FMN1: variants seen among roughly 807,000 people sequenced by gnomAD.
FMN1 encodes the protein formin 1, also known as formin-1.
Under a neutral mutation model 132.4 loss-of-function variants are expected in FMN1, and 110 were observed. The observed-to-expected ratio is 0.83, with a 90% CI of 0.71 to 0.97. FMN1 has a LOEUF of 0.97. FMN1 is among the 50% of genes least tolerant of loss of function. The pLI is 0.00. For missense variants in FMN1, 1,792 were observed against 1,705.3 expected, an observed-to-expected ratio of 1.05 and a Z score of -0.90; for synonymous variants, 722 against 651.7, an observed-to-expected ratio of 1.11 and a Z score of -1.64.
intron 19 of FMN1, among the ~76,000 whole-genome samples, chr15:32,780,514 T>C (rs559692764): frequency 6.6e-6 from 1 of 152,304 alleles, no homozygotes; most frequent in South Asian, 2.1e-4. Flanking sequence ...AAAATAACCA[T>C]AAAAGTGGGC....
chr15:32,986,453 C>T (rs145124428), intron 7 of FMN1, among the ~76,000 whole-genome samples: 1 of 152,172 alleles, frequency 6.6e-6, no homozygotes, highest in East Asian at 1.9e-4. Context: ...TATTTGAATT[C>T]ACAAAGATCT....
At chr15:32,953,038 A>G (rs995667143) in intron 9 of FMN1, among the ~76,000 whole-genome samples, 2 of 152,160 alleles carry the variant, frequency 1.3e-5, no homozygotes, top group Non-Finnish European at 2.9e-5. Flanking sequence ...TCCCACTCAC[A>G]TGTAAGGGGC....
intron 16 of FMN1, among the ~76,000 whole-genome samples, chr15:32,868,690 A>C (rs969286914): frequency 3.9e-5 from 6 of 152,134 alleles, no homozygotes; most frequent in Admixed American, 2.6e-4. Flanking sequence ...GTACACTGAC[A>C]TTCACTCATT....
rs2038499049 is a variant in FMN1, at chr15:33,082,093, A to ATGTGTGTGTGAG, written c.2043+6705_2043+6706insCTCACACACACA. On this transcript the variant is annotated intron_variant, in intron 5 of 20. Coordinates refer to ENST00000616417, the MANE Select transcript of FMN1 (RefSeq NM_001277313.2). ...GCTTTGTCACCCAGGCTGGAAAACA[A>ATGTGTGTGTGAG]TGTGTGTGTGTGTGTGTGTGTGTGT... 8.3e-5 allele frequency among the ~76,000 whole-genome samples: 10 copies of ATGTGTGTGTGAG among 120,404 alleles called. 1 individual carries two copies. The South Asian group carries it at 2.9e-3, about 35-fold the overall frequency. 79.0% of individuals were successfully genotyped at this position (120,404 alleles called of 152,430 possible).
intron 3 of FMN1, 34 bp from the exon 4 acceptor site, chr15:33,155,079 C>T (rs1964618421): frequency 1.7e-6 from 1 of 600,720 alleles, no homozygotes; most frequent in African/African-American, 1.9e-5. Flanking sequence ...AGCAGCTTGT[C>T]TAACAGAGTG....
At chr15:32,868,269 T>C (rs192692472) in intron 16 of FMN1, among the ~76,000 whole-genome samples, 10 of 152,346 alleles carry the variant, frequency 6.6e-5, no homozygotes, top group Admixed American at 5.9e-4. Flanking sequence ...TGTGTTATAA[T>C]TGCCTACAGT....
intron 17 of FMN1, among the ~76,000 whole-genome samples, chr15:32,847,924 C>A (rs2058897723): frequency 6.6e-6 from 1 of 152,088 alleles, no homozygotes. Context: ...GAGGTCAGAT[C>A]CTGACAATGA....
intron 19 of FMN1, among the ~76,000 whole-genome samples, chr15:32,794,493 G>T (rs1374551385): frequency 1.3e-5 from 2 of 151,968 alleles, no homozygotes; most frequent in Non-Finnish European, 2.9e-5. Flanking sequence ...GCATATGTGG[G>T]GGCAGTCTTA....
intron 8 of FMN1, among the ~76,000 whole-genome samples, chr15:32,968,447 T>C (rs538517728): frequency 6.6e-6 from 1 of 152,312 alleles, no homozygotes; most frequent in Admixed American, 6.5e-5. Context: ...GACTCTTGTC[T>C]AGTCTGTAAA....
intron 5 of FMN1, among the ~76,000 whole-genome samples, chr15:33,071,132 ACAG>A (rs1429760076): frequency 6.6e-6 from 1 of 152,182 alleles, no homozygotes; most frequent in Non-Finnish European, 1.5e-5. Flanking sequence ...CTTAAATGAC[ACAG>A]AAGACAAACA....
intron 4 of FMN1, among the ~76,000 whole-genome samples, chr15:33,138,583 A>C (rs918242847): frequency 3.9e-5 from 6 of 152,146 alleles, no homozygotes; most frequent in African/African-American, 1.4e-4. Context: ...ATGGGTTACT[A>C]GATAACCTGA....
Position 32,773,430 on chromosome 15 carries a change from G to T in FMN1, c.*880C>A, listed in dbSNP as rs537656032. On this transcript the variant is annotated 3_prime_UTR_variant, in exon 21 of 21. Coordinates refer to ENST00000616417, the MANE Select transcript of FMN1 (RefSeq NM_001277313.2). Reference sequence around the variant, plus strand: ...CTCGGCTGCGTATCAACACAACATTGCCCATTCATGAACGGTCCAAAATGT... The same window carrying T: ...CTCGGCTGCGTATCAACACAACATTTCCCATTCATGAACGGTCCAAAATGT... 2 of 151,962 alleles carry T rather than the reference G, an allele frequency of 1.3e-5. No homozygotes were observed. The highest frequency in any genetic ancestry group is 1.3e-4 in the Admixed American group (2 of 15,268). 9.4% of individuals were successfully genotyped at this position (151,962 alleles called of 1,614,324 possible).
chr15:33,140,003 G>A (rs976257095), intron 4 of FMN1, among the ~76,000 whole-genome samples: 2 of 151,924 alleles, frequency 1.3e-5, no homozygotes, highest in African/African-American at 4.8e-5. Flanking sequence ...CTGAGGGAGA[G>A]ATATTTTATT....
intron 6 of FMN1, among the ~76,000 whole-genome samples, chr15:33,029,593 C>T (rs2035840548): frequency 2.0e-5 from 3 of 151,936 alleles, no homozygotes; most frequent in Admixed American, 2.0e-4. Flanking sequence ...GTAGGAAGAG[C>T]CAAACGTTTG....
intron 13 of FMN1, 48 bp from the exon 14 acceptor site, chr15:32,900,173 C>A: frequency 6.2e-7 from 1 of 1,600,686 alleles, no homozygotes; most frequent in Non-Finnish European, 8.5e-7. Flanking sequence ...CCAAATGCAC[C>A]CATGTTCATT....
chr15:33,001,482 G>A (rs1178765759), intron 7 of FMN1, among the ~76,000 whole-genome samples: 1 of 151,992 alleles, frequency 6.6e-6, no homozygotes, highest in East Asian at 1.9e-4. Context: ...TGACTTCACT[G>A]TTTTATGTCA....
intron 4 of FMN1, among the ~76,000 whole-genome samples, chr15:33,112,851 T>C (rs345763): frequency 0.72 from 109,045 of 151,980 alleles, 39,764 homozygotes; most frequent in East Asian, 0.86. Flanking sequence ...TATCCAAATG[T>C]CAAGGCCTAC....
intron 6 of FMN1, among the ~76,000 whole-genome samples, chr15:33,025,338 A>G (rs996430411): frequency 1.4e-4 from 21 of 152,196 alleles, no homozygotes; most frequent in Non-Finnish European, 2.9e-4. Flanking sequence ...TCTTGATTAT[A>G]TATACCCCAG....
chr15:32,954,107 C>T (rs547663531), intron 9 of FMN1, among the ~76,000 whole-genome samples: 1 of 152,290 alleles, frequency 6.6e-6, no homozygotes, highest in African/African-American at 2.4e-5. Flanking sequence ...ACCTTCAAGA[C>T]GAGATCTCTG....
Sources: allele counts gnomAD v4.1 joint callset (sites outside exome capture counted in the v4.1 genomes callset), GRCh38; gene constraint gnomAD v4.1.1; transcripts MANE v1.5; gene names NCBI Gene and HGNC (gene_info 2026-07-23, HGNC 2026-07-21).